The following TMED8 variants were observed in gnomAD, a reference collection of about 807,000 sequenced individuals.
TMED8 encodes the protein protein TMED8.
In TMED8, 15 loss-of-function variants were observed where a neutral mutation model predicts 32.7. That is an observed-to-expected ratio of 0.46 (90% CI 0.31 to 0.71). The LOEUF (loss-of-function observed/expected upper bound fraction) is 0.71, where lower values mean the gene tolerates loss of function less well. Among genes scored for constraint, TMED8 ranks in the 30% least tolerant of loss-of-function variants. The pLI is 0.06. For synonymous variants in TMED8, 147 were observed against 161.4 expected, an observed-to-expected ratio of 0.91 and a Z score of 0.68; for missense variants, 390 against 423.9, an observed-to-expected ratio of 0.92 and a Z score of 0.70.
At chr14:77,355,790 G>A (rs1431463700) in intron 1 of TMED8, among the ~76,000 whole-genome samples, 1 of 152,142 alleles carries the variant, frequency 6.6e-6, no homozygotes, top group Non-Finnish European at 1.5e-5. Context: ...AAGGTACATT[G>A]TGTTGGCCAT....
chr14:77,368,019 G>A (rs184543668), intron 1 of TMED8, among the ~76,000 whole-genome samples: 80 of 152,244 alleles, frequency 5.3e-4, no homozygotes, highest in Non-Finnish European at 9.6e-4. Flanking sequence ...ATTGCTGTAC[G>A]TTATTCCATG....
intron 1 of TMED8, among the ~76,000 whole-genome samples, chr14:77,372,163 A>G (rs8005730): frequency 0.22 from 33,308 of 152,186 alleles, 3,819 homozygotes; most frequent in Admixed American, 0.29. Flanking sequence ...TTAATTTATC[A>G]TTGATGGCCA....
intron 1 of TMED8, among the ~76,000 whole-genome samples, chr14:77,354,284 C>G (rs572722100): frequency 8.3e-4 from 127 of 152,300 alleles, no homozygotes; most frequent in Non-Finnish European, 1.3e-3. Flanking sequence ...ATAAGTCAAT[C>G]AAGATCTCCA....
In TMED8 at chr14:77,376,814, G is replaced by C. The variant is rs974867335; in HGVS notation, c.118+122C>G. ...GGGGAAGGGGCCCCGCGCGCGAAGG[G>C]GCTGCCGAGGTGGGTCCGCTCCGCG... On this transcript the variant is annotated intron_variant, in intron 1 of 5. Transcript: ENST00000216468. The surrounding 1 kb of genome is among the most constrained non-coding windows in gnomAD (Gnocchi z 4.0). 3 of 503,640 alleles carry C rather than the reference G, an allele frequency of 6.0e-6. No individual in the cohort carries two copies. Among genetic ancestry groups the C allele is most frequent in the African/African-American group, 2.0e-5 (1 of 49,804 alleles). 31.2% of individuals were successfully genotyped at this position (503,640 alleles called of 1,614,324 possible).
Position 77,376,010 on chromosome 14 carries a change from C to G in TMED8, c.118+926G>C, listed in dbSNP as rs1468293902. 6.6e-6 allele frequency among the ~76,000 whole-genome samples: 1 copy of G among 152,324 alleles called. No individual in the cohort carries two copies. Among genetic ancestry groups the G allele is most frequent in the East Asian group, 1.9e-4 (1 of 5,184 alleles). The stretch of plus-strand genomic sequence containing the variant: ...CCTCAACCATTATACTTTATGGTGT[C>G]TATTTTAATTTCAGACCTAGAAAAT... On this transcript the variant is annotated intron_variant, in intron 1 of 5. Coordinates refer to ENST00000216468, the MANE Select transcript of TMED8 (RefSeq NM_213601.3). The surrounding 1 kb of genome is among the most constrained non-coding windows in gnomAD (Gnocchi z 4.0).
chr14:77,351,788 G>A (rs1435135605), intron 1 of TMED8, 37 bp from the exon 2 acceptor site: 2 of 1,538,148 alleles, frequency 1.3e-6, no homozygotes, highest in Non-Finnish European at 1.8e-6. Context: ...CAATATCTGA[G>A]AGGGAATACA....
chr14:77,358,515 T>C (rs1893352144), intron 1 of TMED8, among the ~76,000 whole-genome samples: 1 of 152,118 alleles, frequency 6.6e-6, no homozygotes, highest in South Asian at 2.1e-4. Flanking sequence ...GTCAGGCTGG[T>C]CTCAAACTCC....
chr14:77,376,898 G>C lies in TMED8; in HGVS notation c.118+38C>G. 7.8e-7 allele frequency: 1 copy of C among 1,280,194 alleles called. No homozygotes were observed. The highest frequency in any genetic ancestry group is 1.0e-6 in the Non-Finnish European group (1 of 975,502). 79.3% of individuals were successfully genotyped at this position (1,280,194 alleles called of 1,614,324 possible). On this transcript the variant is annotated intron_variant, in intron 1 of 5. Transcript: ENST00000216468. This position sits in a 1 kb window ranked among gnomAD's most constrained non-coding sequence, Gnocchi z 4.0. ...CGCCGTGGTGCGGGGCCCTGAGGCC[G>C]GGCGGCACCCACCCGCCAGCGCCCC...
At chr14:77,370,229 G>C (rs1893647030) in intron 1 of TMED8, among the ~76,000 whole-genome samples, 1 of 151,698 alleles carries the variant, frequency 6.6e-6, no homozygotes, top group Non-Finnish European at 1.5e-5. Flanking sequence ...AATAATATCA[G>C]TTTATCTACT....
intron 1 of TMED8, among the ~76,000 whole-genome samples, chr14:77,363,182 C>T (rs1436179157): frequency 6.6e-6 from 1 of 152,194 alleles, no homozygotes; most frequent in African/African-American, 2.4e-5. Context: ...GCATATGTAA[C>T]ATTCTCCAGA....
intron 1 of TMED8, among the ~76,000 whole-genome samples, chr14:77,355,154 T>TTGTGTGTG (rs149768550): frequency 1.4e-5 from 2 of 147,728 alleles, no homozygotes; most frequent in Admixed American, 6.8e-5. Context: ...TGTATATGTA[T>TTGTGTGTG]TGTGTGTGTG....
rs528339648 is a variant in TMED8 at position 77,338,508 on chromosome 14, AG to A, written c.*3262del. Reference sequence around the variant, plus strand: ...TAACTCTCTCAACCAACTGCCAGTCAGGAACTCTTTGATCTACCTCTGACCT... The same window carrying A: ...TAACTCTCTCAACCAACTGCCAGTCAGAACTCTTTGATCTACCTCTGACCT... On this transcript the variant is annotated 3_prime_UTR_variant, in exon 6 of 6. Coordinates refer to ENST00000216468, the MANE Select transcript of TMED8 (RefSeq NM_213601.3). 208 of 152,390 alleles carry A rather than the reference AG, an allele frequency of 1.4e-3. No homozygotes were observed. Among genetic ancestry groups the A allele is most frequent in the African/African-American group, 4.6e-3 (192 of 41,588 alleles). 9.4% of individuals were successfully genotyped at this position (152,390 alleles called of 1,614,324 possible).
chr14:77,347,449 T>C (rs988531163), intron 2 of TMED8, among the ~76,000 whole-genome samples: 31 of 152,256 alleles, frequency 2.0e-4, no homozygotes, highest in African/African-American at 7.5e-4. Context: ...GCTATGTGAA[T>C]AGTTGTTTGT....
intron 1 of TMED8, among the ~76,000 whole-genome samples, chr14:77,352,504 C>T (rs755276655): frequency 2.0e-4 from 31 of 151,796 alleles, no homozygotes; most frequent in Non-Finnish European, 3.5e-4. Context: ...TTTGGGAGGC[C>T]GAGGTGGGCG....
chr14:77,373,498 T>C (rs1893745415), intron 1 of TMED8, among the ~76,000 whole-genome samples: 1 of 152,192 alleles, frequency 6.6e-6, no homozygotes, highest in South Asian at 2.1e-4. Context: ...CTGGAGAGCT[T>C]AGTTCATAAG....
At position 77,346,412 on chromosome 14, in the gene TMED8, C is replaced by T. The variant is rs977400168; in HGVS notation, c.264G>A (p.Leu88=). ...CCTGTTTCACCAAGGCCTGAGCCTC[C>T]AAAGGACCAGTTGCTTTCCGCAGAT... ...TEDLRKATGP[L]EAQALVKQDL... The change falls in exon 3 of 6, where the codon TTG becomes TTA. Residue 88 remains leucine (L), a synonymous_variant. Transcript: ENST00000216468. The T allele has an allele frequency of 1.2e-6, 2 of 1,614,040 alleles. No homozygotes were observed. Among genetic ancestry groups the T allele is most frequent in the African/African-American group, 2.7e-5 (2 of 74,896 alleles).
rs555544336 is a variant in TMED8, at chr14:77,366,156, T to A, written c.118+10780A>T. 9.1e-4 allele frequency among the ~76,000 whole-genome samples: 138 copies of A among 152,338 alleles called. 2 individuals are homozygous for A. The highest frequency in any genetic ancestry group is 3.1e-3 in the African/African-American group (130 of 41,580). Reference sequence around the variant, plus strand: ...GTATGTCCATTTCTAGTCCCCGACATCCCTCAAAGATGGTGCACAAGTATA... The same window carrying A: ...GTATGTCCATTTCTAGTCCCCGACAACCCTCAAAGATGGTGCACAAGTATA... On this transcript the variant is annotated intron_variant, in intron 1 of 5. Transcript: ENST00000216468.
rs572318821 is a variant in TMED8 at position 77,374,237 on chromosome 14, C to A, written c.118+2699G>T. On this transcript the variant is annotated intron_variant, in intron 1 of 5. Coordinates refer to ENST00000216468, the MANE Select transcript of TMED8 (RefSeq NM_213601.3). The stretch of plus-strand genomic sequence containing the variant: ...TTCTAGAGGAAGATGGCAGAAGGAT[C>A]CAATCAAACGAATTCCAAGTTTAAA... 2.6e-5 allele frequency among the ~76,000 whole-genome samples: 4 copies of A among 152,300 alleles called. No homozygotes were observed. In the South Asian group the frequency reaches 8.3e-4, roughly 32 times the overall value.
chr14:77,352,048 C>G (rs950861924), intron 1 of TMED8, among the ~76,000 whole-genome samples: 14 of 152,206 alleles, frequency 9.2e-5, no homozygotes, highest in African/African-American at 3.4e-4. Context: ...ACCTATAATC[C>G]CAACACTTTG....
Sources: allele counts gnomAD v4.1 joint callset (sites outside exome capture counted in the v4.1 genomes callset), GRCh38; gene constraint gnomAD v4.1.1; non-coding constraint Gnocchi (gnomAD v3.1); transcripts MANE v1.5; gene names NCBI Gene and HGNC (gene_info 2026-07-23, HGNC 2026-07-21).